The following PKM variants were observed in gnomAD, a reference collection of about 807,000 sequenced individuals.
PKM encodes pyruvate kinase M1/2, also known as pyruvate kinase PKM.
Under a neutral mutation model 49.8 loss-of-function variants are expected in PKM, and 18 were observed. That is an observed-to-expected ratio of 0.36 (90% CI 0.25 to 0.54). The LOEUF (loss-of-function observed/expected upper bound fraction) is 0.54, where lower values mean the gene tolerates loss of function less well. PKM is among the 20% of genes least tolerant of loss of function. The pLI, the probability that PKM is intolerant of heterozygous loss-of-function variation, is 0.89. For synonymous variants in PKM, 239 were observed against 261.8 expected (o/e 0.91, Z 0.84); for missense variants, 508 against 713.8 (o/e 0.71, Z 3.28).
intron 1 of PKM, chr15:72,221,169 T>G: frequency 6.6e-7 from 1 of 1,517,624 alleles, no homozygotes; most frequent in East Asian, 2.4e-5. Context: ...AGGTCATACC[T>G]TTGGTTCTCT....
intron 9 of PKM, chr15:72,201,252 T>G (rs532322678): frequency 2.0e-5 from 3 of 152,676 alleles, no homozygotes; most frequent in African/African-American, 7.2e-5. Flanking sequence ...CTTAGAAATC[T>G]AGGTGCTACT....
In PKM at chr15:72,207,383, C is replaced by A. The variant is rs1031455350; in HGVS notation, c.837-106G>T. ...ATTCCCTAACTTAGATGTCCTTGTA[C>A]CAGGACAGACATCCATGATATCATC... On this transcript the variant is annotated intron_variant, in intron 6 of 10. Transcript: ENST00000335181. 6 of 978,212 alleles carry A rather than the reference C, an allele frequency of 6.1e-6. No homozygotes were observed. In the African/African-American group the frequency reaches 9.6e-5, roughly 16 times the overall value. 60.6% of individuals were successfully genotyped at this position (978,212 alleles called of 1,614,324 possible).
At chr15:72,224,201 A>C (rs529601728) in intron 1 of PKM, among the ~76,000 whole-genome samples, 1 of 152,332 alleles carries the variant, frequency 6.6e-6, no homozygotes, top group East Asian at 1.9e-4. Context: ...TGGGGGAAGC[A>C]TTAGTTGTCC....
intron 3 of PKM, among the ~76,000 whole-genome samples, chr15:72,211,065 C>CTTTT: frequency 6.6e-6 from 1 of 150,934 alleles, no homozygotes; most frequent in Admixed American, 6.6e-5. Context: ...TTCTCAATCG[C>CTTTT]TTTGTTTTTT....
In PKM at chr15:72,199,187, A is replaced by G. The variant is rs2081865237; in HGVS notation, c.*463T>C. On this transcript the variant is annotated 3_prime_UTR_variant, in exon 11 of 11. Coordinates refer to ENST00000335181, the MANE Select transcript of PKM (RefSeq NM_002654.6). ...ACAGGTGCAAACTGGAGAGGCCTAG[A>G]GAGCTAGAGAAGCAAGTAAGGGCCA... 2 of 353,950 alleles carry G rather than the reference A, an allele frequency of 5.7e-6. No homozygotes were observed. Among genetic ancestry groups the G allele is most frequent in the African/African-American group, 4.3e-5 (2 of 46,674 alleles). 21.9% of individuals were successfully genotyped at this position (353,950 alleles called of 1,614,324 possible). A position where few individuals can be genotyped will look rare whatever the true frequency, so the allele number is the denominator to read the frequency against.
intron 3 of PKM, among the ~76,000 whole-genome samples, chr15:72,215,502 C>A (rs945870872): frequency 2.0e-5 from 3 of 152,018 alleles, no homozygotes; most frequent in Non-Finnish European, 4.4e-5. Context: ...ACAAGAGGGA[C>A]ATCTTTAAAA....
At position 72,227,694 on chromosome 15, in the gene PKM, C is replaced by T. The variant is rs572961794; in HGVS notation, c.-14+3422G>A. Among the ~76,000 whole-genome samples the T allele has an allele frequency of 3.1e-3, 375 of 122,442 alleles. 1 individual carries two copies. The highest frequency in any genetic ancestry group is 0.011 in the African/African-American group (356 of 33,280). The allele number at this position is 122,442 out of a possible 152,430, so 80.3% of individuals were successfully genotyped here. The stretch of plus-strand genomic sequence containing the variant: ...CCAGGAGGTGGAGGTTGCAGTGAGC[C>T]GAGATCACACCATTGCACTCCAGAC... On this transcript the variant is annotated intron_variant, in intron 1 of 10. Coordinates refer to ENST00000335181, the MANE Select transcript of PKM (RefSeq NM_002654.6).
intron 3 of PKM, among the ~76,000 whole-genome samples, chr15:72,212,559 T>C (rs1327977681): frequency 6.6e-6 from 1 of 152,034 alleles, no homozygotes; most frequent in Non-Finnish European, 1.5e-5. Flanking sequence ...AGAGTTGACG[T>C]GAGGAGTAAA....
At chr15:72,199,810 A>G in intron 10 of PKM, 54 bp from the exon 11 acceptor site, 1 of 1,215,576 alleles carries the variant, frequency 8.2e-7, no homozygotes, top group Non-Finnish European at 1.2e-6. Context: ...GCAGGTTTGC[A>G]CCTGGGCAGC....
upstream of PKM, chr15:72,231,574 G>C (rs1257731760): frequency 6.6e-6 from 1 of 152,468 alleles, no homozygotes; most frequent in African/African-American, 2.4e-5. Context: ...TCTCGGCCCA[G>C]GCCACCCCAG....
intron 1 of PKM, among the ~76,000 whole-genome samples, chr15:72,228,412 C>T (rs1481065885): frequency 7.6e-6 from 1 of 131,670 alleles, no homozygotes; most frequent in Admixed American, 9.1e-5. Context: ...GAGTCTCGCT[C>T]TGTCGCCCAG....
At chr15:72,209,593 C>T (rs1308283124) in intron 5 of PKM, 80 bp downstream of exon 5, 2 of 1,286,948 alleles carry the variant, frequency 1.6e-6, no homozygotes, top group Non-Finnish European at 2.3e-6. Context: ...AGGCAACCAA[C>T]CTTCCCATCT....
At position 72,207,136 on chromosome 15, in the gene PKM, ACAGATGACAGGCTTCC is replaced by A. The variant is rs777264178; in HGVS notation, c.962_977del (p.Gly321ValfsTer9). On this transcript the variant is annotated frameshift_variant, in exon 7 of 11. Coordinates refer to ENST00000335181, the MANE Select transcript of PKM (RefSeq NM_002654.6). LOFTEE classifies it high-confidence loss of function. ...AAGGGTGGGCACATGCCTGAGTAGCACAGATGACAGGCTTCCCAGCTCGGTTGCACCGTCCAATCAT... is the reference window on the plus strand; with the variant it reads ...AAGGGTGGGCACATGCCTGAGTAGCACAGCTCGGTTGCACCGTCCAATCAT... 1 of 1,613,732 alleles carries A rather than the reference ACAGATGACAGGCTTCC, an allele frequency of 6.2e-7. No individual in the cohort carries two copies. Among genetic ancestry groups the A allele is most frequent in the Non-Finnish European group, 8.5e-7 (1 of 1,180,010 alleles).
intron 8 of PKM, among the ~76,000 whole-genome samples, chr15:72,205,928 G>C (rs750121928): frequency 6.6e-6 from 1 of 152,128 alleles, no homozygotes; most frequent in African/African-American, 2.4e-5. Flanking sequence ...CTCCAACCCT[G>C]AGCAGTGGCC....
intron 1 of PKM, among the ~76,000 whole-genome samples, chr15:72,229,079 G>C (rs1444824592): frequency 6.6e-6 from 1 of 152,212 alleles, no homozygotes; most frequent in Non-Finnish European, 1.5e-5. Context: ...TGGGGAACTG[G>C]TTTCCAGGAG....
At chr15:72,208,964 G>A (rs1474127475) in intron 5 of PKM, 73 bp from the exon 6 acceptor site, 14 of 1,493,088 alleles carry the variant, frequency 9.4e-6, no homozygotes, top group East Asian at 2.4e-5. Flanking sequence ...CACCTTTCCC[G>A]CAAGGACAGT....
chr15:72,226,831 G>A (rs1389075999), intron 1 of PKM, among the ~76,000 whole-genome samples: 1 of 152,252 alleles, frequency 6.6e-6, no homozygotes, highest in Non-Finnish European at 1.5e-5. Context: ...GGGGAGGTGA[G>A]TCTCAGAGGC....
intron 8 of PKM, chr15:72,203,865 A>T (rs975045945): frequency 2.6e-5 from 4 of 152,486 alleles, no homozygotes; most frequent in African/African-American, 7.2e-5. Context: ...ATTTAATAAG[A>T]CACTTGATTA....
chr15:72,225,679 G>C (rs1011155092), intron 1 of PKM, among the ~76,000 whole-genome samples: 1 of 152,182 alleles, frequency 6.6e-6, no homozygotes, highest in Non-Finnish European at 1.5e-5. Flanking sequence ...CATCCAGTGG[G>C]TATATGGATC....
Sources: allele counts gnomAD v4.1 joint callset (sites outside exome capture counted in the v4.1 genomes callset), GRCh38; gene constraint gnomAD v4.1.1; transcripts MANE v1.5; gene names NCBI Gene and HGNC (gene_info 2026-07-23, HGNC 2026-07-21).